GRK5: variants seen among roughly 807,000 people sequenced by gnomAD.
GRK5 encodes the protein G protein-coupled receptor kinase 5, also known as g protein-coupled receptor kinase GRK5.
GRK5 carries 40 observed loss-of-function variants against 78.4 expected under a neutral mutation model. That is an observed-to-expected ratio of 0.51 (90% CI 0.40 to 0.66). The LOEUF is 0.66. Among genes scored for constraint, GRK5 ranks in the 30% least tolerant of loss-of-function variants. GRK5 has a pLI of 0.00. For missense variants in GRK5, 598 were observed against 759.9 expected, an observed-to-expected ratio of 0.79 and a Z score of 2.50; for synonymous variants, 289 against 296.8, an observed-to-expected ratio of 0.97 and a Z score of 0.27.
chr10:119,363,866 G>A (rs934615198), intron 2 of GRK5, among the ~76,000 whole-genome samples: 2 of 152,234 alleles, frequency 1.3e-5, no homozygotes, highest in African/African-American at 2.4e-5. Flanking sequence ...AAAAATGGGA[G>A]ATCTATTACT....
chr10:119,257,593 G>A (rs538459501), intron 1 of GRK5, among the ~76,000 whole-genome samples: 2 of 152,256 alleles, frequency 1.3e-5, no homozygotes, highest in South Asian at 2.1e-4. Flanking sequence ...GTGTGGTGGC[G>A]GATGCCTGTA....
chr10:119,450,207 C>T (rs1353186355), intron 13 of GRK5, among the ~76,000 whole-genome samples: 1 of 152,138 alleles, frequency 6.6e-6, no homozygotes, highest in Non-Finnish European at 1.5e-5. Flanking sequence ...TGTGGGCATC[C>T]AGACTGGGGG....
At chr10:119,426,304 C>G (rs1852675647) in intron 6 of GRK5, among the ~76,000 whole-genome samples, 1 of 152,202 alleles carries the variant, frequency 6.6e-6, no homozygotes, top group African/African-American at 2.4e-5. Context: ...GTGGGGATGA[C>G]AGCGTGACCA....
chr10:119,427,335 T>G (rs62653142), intron 6 of GRK5, among the ~76,000 whole-genome samples: 1 of 47,430 alleles, frequency 2.1e-5, no homozygotes, highest in African/African-American at 8.9e-5. Flanking sequence ...ACTGCCTTCA[T>G]CAACATCACC....
In GRK5 at chr10:119,253,754, A is replaced by C. The variant is rs553674626; in HGVS notation, c.52+45785A>C. Among the ~76,000 whole-genome samples, 3 of 152,214 alleles carry C rather than the reference A, an allele frequency of 2.0e-5. No individual in the cohort carries two copies. Among genetic ancestry groups the C allele is most frequent in the African/African-American group, 7.2e-5 (3 of 41,520 alleles). On this transcript the variant is annotated intron_variant, in intron 1 of 15. Coordinates refer to ENST00000392870, the MANE Select transcript of GRK5 (RefSeq NM_005308.3). This position sits in a 1 kb window ranked among gnomAD's most constrained non-coding sequence, Gnocchi z 5.7. ...TGATGACACAATTCCAGAAAAATGC[A>C]GTGTCTCCCAGATACGGCTTCTGGA...
At chr10:119,352,193 T>C (rs1326088499) in intron 2 of GRK5, among the ~76,000 whole-genome samples, 1 of 152,208 alleles carries the variant, frequency 6.6e-6, no homozygotes, top group Non-Finnish European at 1.5e-5. Flanking sequence ...ATGCGTTGGC[T>C]CTTCTGTGTC....
rs1369417196 is a variant in GRK5, at chr10:119,455,118, C to T, written c.*51C>T. 3.6e-6 allele frequency: 5 copies of T among 1,401,818 alleles called. No individual in the cohort carries two copies. The highest frequency in any genetic ancestry group is 3.5e-5 in the South Asian group (3 of 86,686). The allele number at this position is 1,401,818 out of a possible 1,614,324, so 86.8% of individuals were successfully genotyped here. A position where few individuals can be genotyped will look rare whatever the true frequency, so the allele number is the denominator to read the frequency against. ...AGTGGAACCAGCCCAGACCCTTCTC[C>T]TTAGAAGTGGAAGTAGTGGAGCCCC... On this transcript the variant is annotated 3_prime_UTR_variant, in exon 16 of 16. Coordinates refer to ENST00000392870, the MANE Select transcript of GRK5 (RefSeq NM_005308.3).
intron 4 of GRK5, among the ~76,000 whole-genome samples, chr10:119,420,349 CA>C (rs869142758): frequency 2.0e-5 from 1 of 50,980 alleles, no homozygotes; most frequent in Non-Finnish European, 6.2e-5. Context: ...AACAAACAAA[CA>C]AACAAAAAAA....
At chr10:119,361,913 G>T (rs1304398903) in intron 2 of GRK5, among the ~76,000 whole-genome samples, 1 of 148,662 alleles carries the variant, frequency 6.7e-6, no homozygotes, top group Non-Finnish European at 1.5e-5. Flanking sequence ...GTGAGCCGAG[G>T]TCGCACCACT....
intron 1 of GRK5, among the ~76,000 whole-genome samples, chr10:119,277,076 C>T (rs1028526127): frequency 6.6e-6 from 1 of 152,206 alleles, no homozygotes; most frequent in South Asian, 2.1e-4. Flanking sequence ...CACGTTTTAG[C>T]CTAATTTGGT....
chr10:119,455,675 C>T lies in GRK5; in HGVS notation c.*608C>T. 4.0e-6 allele frequency: 1 copy of T among 251,092 alleles called. No homozygotes were observed. 15.6% of individuals were successfully genotyped at this position (251,092 alleles called of 1,614,324 possible). On this transcript the variant is annotated 3_prime_UTR_variant, in exon 16 of 16. Coordinates refer to ENST00000392870, the MANE Select transcript of GRK5 (RefSeq NM_005308.3). The stretch of plus-strand genomic sequence containing the variant: ...CCACATCTATCTCTGGAGCCATTTC[C>T]TCACATTGGTGTCACCCTTCTGTCG...
rs556118978 is a variant in GRK5 at position 119,379,688 on chromosome 10, A to G, written c.149-1127A>G. ...TCGATGGCCTAGTGTTCCGTGCTCCAGAGAGCCTGAGACAGCATGTTTCAG... is the reference window on the plus strand; with the variant it reads ...TCGATGGCCTAGTGTTCCGTGCTCCGGAGAGCCTGAGACAGCATGTTTCAG... On this transcript the variant is annotated intron_variant, in intron 2 of 15. Coordinates refer to ENST00000392870, the MANE Select transcript of GRK5 (RefSeq NM_005308.3). This position sits in a 1 kb window ranked among gnomAD's most constrained non-coding sequence, Gnocchi z 4.1. 6.6e-6 allele frequency among the ~76,000 whole-genome samples: 1 copy of G among 152,142 alleles called. No homozygotes were observed. The highest frequency in any genetic ancestry group is 1.5e-5 in the Non-Finnish European group (1 of 68,018).
At chr10:119,341,531 C>CT (rs1202789116) in intron 2 of GRK5, among the ~76,000 whole-genome samples, 4 of 152,182 alleles carry the variant, frequency 2.6e-5, no homozygotes, top group Non-Finnish European at 4.4e-5. Flanking sequence ...TAGGTCACCT[C>CT]CTCCAGGAAG....
At position 119,443,554 on chromosome 10, in the gene GRK5, C is replaced by T; in HGVS notation, c.1068C>T (p.Val356=). 1.2e-6 allele frequency: 2 copies of T among 1,606,946 alleles called. No homozygotes were observed. The highest frequency in any genetic ancestry group is 1.7e-6 in the Non-Finnish European group (2 of 1,174,162). ...VGTVGYMAPE[V]LNNQRYGLSP... Reference sequence around the variant, plus strand: ...CTCCTCTGCCCCCAGCTCCAGAGGTCCTGAACAACCAGAGGTACGGCCTGA... The same window carrying T: ...CTCCTCTGCCCCCAGCTCCAGAGGTTCTGAACAACCAGAGGTACGGCCTGA... The change falls in exon 12 of 16, where the codon GTC becomes GTT. Residue 356 remains valine (V), a synonymous_variant. Coordinates refer to ENST00000392870, the MANE Select transcript of GRK5 (RefSeq NM_005308.3).
intron 4 of GRK5, among the ~76,000 whole-genome samples, chr10:119,420,878 G>A (rs1852557639): frequency 6.6e-6 from 1 of 152,182 alleles, no homozygotes; most frequent in African/African-American, 2.4e-5. Context: ...ACTGAGTCCT[G>A]CCTGGCTTCA....
At chr10:119,418,989 C>T (rs977682404) in intron 4 of GRK5, among the ~76,000 whole-genome samples, 1 of 152,232 alleles carries the variant, frequency 6.6e-6, no homozygotes, top group South Asian at 2.1e-4. Flanking sequence ...AGCTCCATCC[C>T]AGAGGGACAT....
In GRK5 at chr10:119,264,100, C is replaced by A. The variant is rs188796110; in HGVS notation, c.52+56131C>A. ...GACTTTTCTCAAATGTGATGCTCCT[C>A]AAGAGAGTCTATATTTGTTATCAAA... On this transcript the variant is annotated intron_variant, in intron 1 of 15. Coordinates refer to ENST00000392870, the MANE Select transcript of GRK5 (RefSeq NM_005308.3). The surrounding 1 kb of genome is among the most constrained non-coding windows in gnomAD (Gnocchi z 4.1). Among the ~76,000 whole-genome samples, 3 of 152,116 alleles carry A rather than the reference C, an allele frequency of 2.0e-5. No homozygotes were observed. Among genetic ancestry groups the A allele is most frequent in the Non-Finnish European group, 4.4e-5 (3 of 68,046 alleles).
intron 2 of GRK5, among the ~76,000 whole-genome samples, chr10:119,345,934 C>T (rs1483738098): frequency 6.6e-6 from 1 of 151,998 alleles, no homozygotes; most frequent in Admixed American, 6.5e-5. Flanking sequence ...CTGTCCTCTC[C>T]ACCTGGCCAA....
chr10:119,399,308 A>T (rs1349131670), intron 4 of GRK5, among the ~76,000 whole-genome samples: 1 of 152,174 alleles, frequency 6.6e-6, no homozygotes. Context: ...AGTTCTTCCC[A>T]TAACAGCTTG....
Sources: allele counts gnomAD v4.1 joint callset (sites outside exome capture counted in the v4.1 genomes callset), GRCh38; gene constraint gnomAD v4.1.1; non-coding constraint Gnocchi (gnomAD v3.1); transcripts MANE v1.5; gene names NCBI Gene and HGNC (gene_info 2026-07-23, HGNC 2026-07-21).